DLG2: variants seen among roughly 807,000 people sequenced by gnomAD.
DLG2 encodes disks large homolog 2.
A neutral mutation model predicts 132.5 loss-of-function variants in DLG2; 45 were observed. That is an observed-to-expected ratio of 0.34 (90% CI 0.27 to 0.44). The LOEUF (loss-of-function observed/expected upper bound fraction) is 0.44. Among genes scored for constraint, DLG2 ranks in the 20% least tolerant of loss-of-function variants. The pLI is 1.00. For missense variants in DLG2, 1,045 were observed against 1,196.9 expected, an observed-to-expected ratio of 0.87 and a Z score of 1.87; for synonymous variants, 424 against 419.6, an observed-to-expected ratio of 1.01 and a Z score of -0.13.
At chr11:85,594,250 C>G (rs2079570231) in intron 3 of DLG2, among the ~76,000 whole-genome samples, 1 of 152,166 alleles carries the variant, frequency 6.6e-6, no homozygotes, top group South Asian at 2.1e-4. Flanking sequence ...AATACATCTG[C>G]TGTATCACCC....
At chr11:85,275,118 T>G (rs957172138) in intron 4 of DLG2, among the ~76,000 whole-genome samples, 2 of 152,196 alleles carry the variant, frequency 1.3e-5, no homozygotes, top group African/African-American at 4.8e-5. Context: ...TCAATGATTT[T>G]CAGTGAAACT....
chr11:84,465,968 T>A (rs1006038162), intron 7 of DLG2, among the ~76,000 whole-genome samples: 17 of 151,264 alleles, frequency 1.1e-4, no homozygotes, highest in Non-Finnish European at 1.6e-4. Flanking sequence ...ATAATTAAAA[T>A]AATTTGATGT....
chr11:85,335,698 G>C (rs1033057645), intron 3 of DLG2, among the ~76,000 whole-genome samples: 2 of 151,926 alleles, frequency 1.3e-5, no homozygotes, highest in African/African-American at 4.8e-5. Context: ...AAAATGCTTG[G>C]ATGACAAACA....
intron 6 of DLG2, among the ~76,000 whole-genome samples, chr11:84,903,639 A>T (rs1199506506): frequency 6.6e-6 from 1 of 152,176 alleles, no homozygotes; most frequent in African/African-American, 2.4e-5. Context: ...ATTATCATAC[A>T]GGTAAAGCTA....
chr11:84,869,642 T>G (rs1600340789), intron 6 of DLG2, among the ~76,000 whole-genome samples: 1 of 152,164 alleles, frequency 6.6e-6, no homozygotes, highest in East Asian at 1.9e-4. Context: ...CCTGACAAAA[T>G]TGCCACTAAG....
chr11:85,294,303 G>T (rs2079089897), intron 3 of DLG2, among the ~76,000 whole-genome samples: 1 of 151,780 alleles, frequency 6.6e-6, no homozygotes, highest in African/African-American at 2.4e-5. Flanking sequence ...TGACTAGGAG[G>T]TGTTAGTGAT....
intron 6 of DLG2, among the ~76,000 whole-genome samples, chr11:84,634,298 G>A (rs1466159961): frequency 1.3e-5 from 2 of 152,136 alleles, no homozygotes; most frequent in Admixed American, 6.6e-5. Context: ...TAGAGCCCCT[G>A]ACACACATAA....
intron 3 of DLG2, among the ~76,000 whole-genome samples, chr11:85,445,859 T>C (rs960895063): frequency 2.0e-5 from 3 of 152,160 alleles, no homozygotes; most frequent in African/African-American, 4.8e-5. Flanking sequence ...GATGAAACCA[T>C]TGATGGAGGA....
chr11:84,914,046 C>A (rs1327406452), intron 6 of DLG2, among the ~76,000 whole-genome samples: 1 of 152,170 alleles, frequency 6.6e-6, no homozygotes, highest in Non-Finnish European at 1.5e-5. Flanking sequence ...ATGAATTAGA[C>A]ACTTTTAAAA....
intron 7 of DLG2, among the ~76,000 whole-genome samples, chr11:84,500,680 A>C (rs2099201512): frequency 6.6e-6 from 1 of 152,188 alleles, no homozygotes; most frequent in Non-Finnish European, 1.5e-5. Flanking sequence ...TTTGAATTGG[A>C]GACAAAAAAG....
intron 7 of DLG2, among the ~76,000 whole-genome samples, chr11:84,501,034 C>A (rs1037693977): frequency 1.3e-5 from 2 of 152,124 alleles, no homozygotes; most frequent in African/African-American, 4.8e-5. Flanking sequence ...AGTGCACATA[C>A]CCCATCCCCT....
At chr11:84,759,986 G>C (rs2067389889) in intron 6 of DLG2, among the ~76,000 whole-genome samples, 3 of 152,088 alleles carry the variant, frequency 2.0e-5, no homozygotes, top group Admixed American at 6.5e-5. Context: ...ATGATGTAAT[G>C]AACTCTTTAC....
rs1374287744 is a variant in DLG2, at chr11:85,559,813, A to ATGAC, written c.40+38843_40+38844insGTCA. Among the ~76,000 whole-genome samples, 12 of 118,042 alleles carry ATGAC rather than the reference A, an allele frequency of 1.0e-4. No individual in the cohort carries two copies. In the South Asian group the frequency reaches 1.7e-3, roughly 17 times the overall value. The allele number at this position is 118,042 out of a possible 152,430, so 77.4% of individuals were successfully genotyped here. A position where few individuals can be genotyped will look rare whatever the true frequency, so the allele number is the denominator to read the frequency against. Reference sequence around the variant, plus strand: ...ACACAGATAGATGGTGATTAGTTAGATGATTGATAGATAGATAGATAGATA... The same window carrying ATGAC: ...ACACAGATAGATGGTGATTAGTTAGATGACTGATTGATAGATAGATAGATAGATA... On this transcript the variant is annotated intron_variant, in intron 3 of 27. Transcript: ENST00000376104.
intron 3 of DLG2, among the ~76,000 whole-genome samples, chr11:85,530,843 A>T (rs1215656708): frequency 1.3e-5 from 2 of 152,198 alleles, no homozygotes; most frequent in Non-Finnish European, 2.9e-5. Flanking sequence ...AGTAGAGTTA[A>T]AATGCTTTGT....
intron 7 of DLG2, among the ~76,000 whole-genome samples, chr11:84,314,753 A>G (rs1297823284): frequency 6.6e-6 from 1 of 151,844 alleles, no homozygotes; most frequent in African/African-American, 2.4e-5. Flanking sequence ...ATGTTAATAT[A>G]CATAAGTAGT....
At chr11:84,432,530 A>G (rs2098987720) in intron 7 of DLG2, among the ~76,000 whole-genome samples, 1 of 143,500 alleles carries the variant, frequency 7.0e-6, no homozygotes, top group South Asian at 2.2e-4. Context: ...AGCAAGGCTA[A>G]TTTAATCCCC....
intron 6 of DLG2, among the ~76,000 whole-genome samples, chr11:84,567,159 A>G (rs571620638): frequency 1.3e-5 from 2 of 152,276 alleles, no homozygotes; most frequent in East Asian, 1.9e-4. Flanking sequence ...ACTTAGCCAC[A>G]CAAGCGTTAT....
rs189576857 is a variant in DLG2 at position 83,605,707 on chromosome 11, T to C, written c.1940+27504A>G. 5.1e-3 allele frequency among the ~76,000 whole-genome samples: 779 copies of C among 152,346 alleles called. 2 individuals are homozygous for C. Among genetic ancestry groups the C allele is most frequent in the Middle Eastern group, 0.034 (10 of 294 alleles). On this transcript the variant is annotated intron_variant, in intron 19 of 27. Transcript: ENST00000376104. ...TGCTTCCTGCAGTTCTTACTTTCTA[T>C]ATTATCAGCTATGTTCTAAAGGACT...
At chr11:85,058,627 A>T (rs537901986) in intron 6 of DLG2, among the ~76,000 whole-genome samples, 2 of 151,660 alleles carry the variant, frequency 1.3e-5, no homozygotes, top group African/African-American at 4.8e-5. Context: ...ACACTACCAG[A>T]TATTAAAACC....
Sources: gnomAD v4.1 joint callset for allele counts (sites outside exome capture counted in the v4.1 genomes callset) on GRCh38, gnomAD v4.1.1 for gene constraint, MANE v1.5 for transcripts, NCBI Gene and HGNC (gene_info 2026-07-23, HGNC 2026-07-21) for gene names.